FRAS1: variants seen among roughly 807,000 people sequenced by gnomAD.
FRAS1 encodes extracellular matrix organizing protein FRAS1.
FRAS1 carries 290 observed loss-of-function variants against 435.2 expected under a neutral mutation model. The ratio of observed to expected loss-of-function variants is 0.67; its 90% CI spans 0.61 to 0.73. FRAS1 has a LOEUF of 0.73. FRAS1 is among the 30% of genes least tolerant of loss of function. FRAS1 has a pLI of 0.00. For missense variants in FRAS1, 4,860 were observed against 5,001.5 expected (o/e 0.97, Z 0.85); for synonymous variants, 1,800 against 1,851.0 (o/e 0.97, Z 0.71).
At chr4:78,157,484 A>G (rs1197674143) in intron 2 of FRAS1, among the ~76,000 whole-genome samples, 1 of 152,040 alleles carries the variant, frequency 6.6e-6, no homozygotes, top group Non-Finnish European at 1.5e-5. Flanking sequence ...ACCAACATCT[A>G]TTTTTTGACT....
chr4:78,401,450 A>G (rs1037421311), intron 30 of FRAS1, among the ~76,000 whole-genome samples: 4 of 152,216 alleles, frequency 2.6e-5, no homozygotes, highest in Non-Finnish European at 5.9e-5. Context: ...GATAGAGAGA[A>G]ATCTCCAGGT....
chr4:78,514,776 T>C (rs1224455563), intron 65 of FRAS1, among the ~76,000 whole-genome samples: 5 of 152,086 alleles, frequency 3.3e-5, no homozygotes, highest in Non-Finnish European at 7.4e-5. Flanking sequence ...ACTATAAAAA[T>C]TTTAACCCAG....
intron 2 of FRAS1, among the ~76,000 whole-genome samples, chr4:78,225,909 G>A (rs1304768479): frequency 6.6e-6 from 1 of 151,976 alleles, no homozygotes; most frequent in African/African-American, 2.4e-5. Flanking sequence ...TATTGATTAG[G>A]TTTATATCTA....
intron 2 of FRAS1, among the ~76,000 whole-genome samples, chr4:78,204,105 A>G (rs1278822029): frequency 6.6e-6 from 1 of 152,236 alleles, no homozygotes; most frequent in African/African-American, 2.4e-5. Context: ...AAGTTAATGA[A>G]TTAAGAATAT....
chr4:78,374,194 T>C lies in FRAS1; in HGVS notation c.3094T>C (p.Cys1032Arg). ...KGPFLLLEAQ[C>R]VQECGKGYFA... The stretch of plus-strand genomic sequence containing the variant: ...GCCATTTCTCCTCTTGGAAGCCCAG[T>C]GTGTCCAGGAATGTGGGAAGGGGTA... The change falls in exon 25 of 74, where the codon TGT (cysteine) becomes CGT (arginine). Residue 1032 changes from cysteine (C) to arginine (R), a missense_variant. Coordinates refer to ENST00000512123, the MANE Select transcript of FRAS1 (RefSeq NM_025074.7). 6.2e-7 allele frequency: 1 copy of C among 1,606,868 alleles called. No individual in the cohort carries two copies. Among genetic ancestry groups the C allele is most frequent in the Non-Finnish European group, 8.5e-7 (1 of 1,174,824 alleles).
At chr4:78,466,753 T>A (rs1341020105) in intron 50 of FRAS1, among the ~76,000 whole-genome samples, 1 of 152,174 alleles carries the variant, frequency 6.6e-6, no homozygotes, top group Non-Finnish European at 1.5e-5. Flanking sequence ...TTTTTGCCCA[T>A]CCTTTACTCC....
At chr4:78,442,930 A>C (rs1019919117) in intron 41 of FRAS1, among the ~76,000 whole-genome samples, 4 of 152,206 alleles carry the variant, frequency 2.6e-5, no homozygotes, top group Admixed American at 2.0e-4. Flanking sequence ...ATAAATGTGA[A>C]AGGAACAAAA....
intron 14 of FRAS1, among the ~76,000 whole-genome samples, chr4:78,296,900 C>T (rs1213496774): frequency 6.6e-6 from 1 of 152,214 alleles, no homozygotes; most frequent in African/African-American, 2.4e-5. Context: ...CTTGCCATCT[C>T]TCCATGTCCT....
intron 28 of FRAS1, among the ~76,000 whole-genome samples, chr4:78,385,753 T>A (rs1252851289): frequency 6.6e-6 from 1 of 151,716 alleles, no homozygotes; most frequent in African/African-American, 2.4e-5. Flanking sequence ...GGCATGGTGG[T>A]GGACACCTGT....
intron 20 of FRAS1, among the ~76,000 whole-genome samples, chr4:78,346,213 C>T (rs77820047): frequency 1.3e-5 from 2 of 152,320 alleles, no homozygotes; most frequent in East Asian, 3.9e-4. Context: ...GAATTGATTG[C>T]AAACATGAGC....
At chr4:78,324,824 G>A (rs953220038) in intron 18 of FRAS1, among the ~76,000 whole-genome samples, 1 of 147,516 alleles carries the variant, frequency 6.8e-6, no homozygotes, top group African/African-American at 2.5e-5. Context: ...TTTGGCAGTG[G>A]TGACTGGGAC....
At chr4:78,329,039 A>G (rs11098139) in intron 18 of FRAS1, among the ~76,000 whole-genome samples, 87,574 of 151,984 alleles carry the variant, frequency 0.58, 27,123 homozygotes, top group Non-Finnish European at 0.7. Context: ...TATGGGAAGG[A>G]AAAACTATTC....
At chr4:78,078,189 T>A (rs572040627) in intron 2 of FRAS1, among the ~76,000 whole-genome samples, 76 of 152,292 alleles carry the variant, frequency 5.0e-4, no homozygotes, top group Non-Finnish European at 9.7e-4. Flanking sequence ...ACATTCCTGT[T>A]TATTGGTATT....
At chr4:78,137,030 A>C (rs1286290160) in intron 2 of FRAS1, among the ~76,000 whole-genome samples, 1 of 152,244 alleles carries the variant, frequency 6.6e-6, no homozygotes, top group Non-Finnish European at 1.5e-5. Context: ...ATCTGAAACA[A>C]ATCCCTCCTC....
rs573489939 is a variant in FRAS1, at chr4:78,513,507, G to A, written c.10129G>A (p.Val3377Ile). 37 of 1,613,772 alleles carry A rather than the reference G, an allele frequency of 2.3e-5. No homozygotes were observed. The African/African-American group carries it at 2.9e-4, about 13-fold the overall frequency. ...TGAGTCCATCTACAGACACCAGCAC[G>A]TCTGCTCCAATTTAGTTACCACCTA... ...LSESIYRHQH[V>I]CSNLVTTYDL... Residue 3377 changes from valine (V) to isoleucine (I), a missense_variant, in exon 65 of 74, where the codon GTC (valine) becomes ATC (isoleucine). Transcript: ENST00000512123.
chr4:78,062,775 CA>C, intron 1 of FRAS1, among the ~76,000 whole-genome samples: 1 of 152,168 alleles, frequency 6.6e-6, no homozygotes, highest in African/African-American at 2.4e-5. Context: ...GCCAGCCACA[CA>C]GTAAAAGAGC....
chr4:78,267,959 C>T (rs1223682507), intron 9 of FRAS1, among the ~76,000 whole-genome samples: 2 of 152,236 alleles, frequency 1.3e-5, no homozygotes, highest in Admixed American at 1.3e-4. Context: ...ACTCCATTGA[C>T]CTCTGTTAAC....
intron 49 of FRAS1, among the ~76,000 whole-genome samples, chr4:78,465,507 A>G (rs1156704047): frequency 6.6e-6 from 1 of 152,260 alleles, no homozygotes; most frequent in Non-Finnish European, 1.5e-5. Flanking sequence ...CAAGCTATGC[A>G]GTTATCTGGG....
chr4:78,530,637 T>C (rs966383974), intron 70 of FRAS1, among the ~76,000 whole-genome samples: 21 of 152,168 alleles, frequency 1.4e-4, no homozygotes, highest in Non-Finnish European at 4.4e-5. Context: ...TTTTCAAAGA[T>C]CAGATGGTTG....
Sources: gnomAD v4.1 joint callset for allele counts (sites outside exome capture counted in the v4.1 genomes callset) on GRCh38, gnomAD v4.1.1 for gene constraint, MANE v1.5 for transcripts, NCBI Gene and HGNC (gene_info 2026-07-23, HGNC 2026-07-21) for gene names.